RBFOX1: variants seen among roughly 807,000 people sequenced by gnomAD.
The protein encoded by RBFOX1 is RNA binding protein fox-1 homolog 1.
Under a neutral mutation model 57.7 loss-of-function variants are expected in RBFOX1, and 8 were observed. That is an observed-to-expected ratio of 0.14 (90% CI 0.08 to 0.25). RBFOX1 has a LOEUF of 0.25. Ranked by LOEUF, RBFOX1 falls within the 10% of genes least tolerant of loss-of-function variation. The pLI, the probability that RBFOX1 is intolerant of heterozygous loss-of-function variation, is 1.00. For synonymous variants in RBFOX1, 326 were observed against 222.4 expected (o/e 1.47, Z -4.15); for missense variants, 611 against 548.5 (o/e 1.11, Z -1.14).
At chr16:6,688,532 A>G (rs528698438) in intron 3 of RBFOX1, among the ~76,000 whole-genome samples, 73 of 152,194 alleles carry the variant, frequency 4.8e-4, no homozygotes, top group Non-Finnish European at 6.3e-4. Context: ...GAGCAAAGTA[A>G]CTTCCCAAGC....
chr16:6,774,168 C>G (rs1021803815), intron 3 of RBFOX1, among the ~76,000 whole-genome samples: 5 of 152,102 alleles, frequency 3.3e-5, no homozygotes, highest in African/African-American at 1.2e-4. Flanking sequence ...ATGAAAAATT[C>G]CAGTGTCTCT....
chr16:7,331,917 A>C (rs968413849), intron 4 of RBFOX1, among the ~76,000 whole-genome samples: 11 of 152,296 alleles, frequency 7.2e-5, no homozygotes, highest in African/African-American at 2.6e-4. Flanking sequence ...CACCAGAAAG[A>C]TTTCAAATCT....
chr16:6,450,003 G>A (rs552193704), intron 2 of RBFOX1, among the ~76,000 whole-genome samples: 1 of 152,168 alleles, frequency 6.6e-6, no homozygotes, highest in South Asian at 2.1e-4. Context: ...TGCTAGAATT[G>A]CTTTTATTGG....
At chr16:7,063,109 C>G (rs774405052) in intron 4 of RBFOX1, among the ~76,000 whole-genome samples, 26 of 151,894 alleles carry the variant, frequency 1.7e-4, no homozygotes, top group Non-Finnish European at 3.4e-4. Flanking sequence ...TCGGCGCTGA[C>G]TTTATGTATT....
intron 4 of RBFOX1, among the ~76,000 whole-genome samples, chr16:7,108,119 G>T (rs902157879): frequency 6.6e-6 from 1 of 152,072 alleles, no homozygotes. Context: ...CCAATTTTCA[G>T]CTAATTAGCA....
chr16:7,327,752 T>C (rs1450020501), intron 4 of RBFOX1, among the ~76,000 whole-genome samples: 1 of 152,144 alleles, frequency 6.6e-6, no homozygotes, highest in African/African-American at 2.4e-5. Context: ...GATCTTCCAG[T>C]GTTTCAAGAG....
chr16:7,413,561 C>T (rs879304599), intron 4 of RBFOX1, among the ~76,000 whole-genome samples: 30 of 152,112 alleles, frequency 2.0e-4, no homozygotes, highest in African/African-American at 3.9e-4. Flanking sequence ...CCATCCATTC[C>T]GCCATAGATT....
At chr16:7,629,971 A>T (rs562366810) in intron 10 of RBFOX1, among the ~76,000 whole-genome samples, 1 of 152,048 alleles carries the variant, frequency 6.6e-6, no homozygotes, top group Non-Finnish European at 1.5e-5. Context: ...AAAAGTTGCA[A>T]TTTTTCTTTC....
In RBFOX1 at chr16:5,782,906, C is replaced by G. The variant is rs1050356834; in HGVS notation, c.319-84397C>G. ...GCAAGGAAGAAGAGGGTGAATTCCTCTTTCCTCTGCCTTTTGTTCTATGTA... is the reference window on the plus strand; with the variant it reads ...GCAAGGAAGAAGAGGGTGAATTCCTGTTTCCTCTGCCTTTTGTTCTATGTA... On this transcript the variant is annotated intron_variant, in intron 3 of 19. Transcript: ENST00000641259. Among the ~76,000 whole-genome samples the G allele has an allele frequency of 7.2e-5, 11 of 152,272 alleles. No individual in the cohort carries two copies. In the East Asian group the frequency reaches 1.9e-3, roughly 27 times the overall value.
chr16:6,315,448 G>T lies in RBFOX1; in HGVS notation c.-126-1547G>T, dbSNP rs552919417. On this transcript the variant is annotated intron_variant, in intron 1 of 15. Coordinates refer to ENST00000550418, the MANE Select transcript of RBFOX1 (RefSeq NM_018723.4). The stretch of plus-strand genomic sequence containing the variant: ...GGATGGGTGGGTAGATGGATGGATG[G>T]GTGAATCGGTGGATGGGTGGATGGG... Among the ~76,000 whole-genome samples, 3 of 151,296 alleles carry T rather than the reference G, an allele frequency of 2.0e-5. No homozygotes were observed. In the South Asian group the frequency reaches 6.3e-4, roughly 32 times the overall value.
At chr16:6,736,624 G>C (rs919073710) in intron 3 of RBFOX1, among the ~76,000 whole-genome samples, 7 of 152,208 alleles carry the variant, frequency 4.6e-5, no homozygotes, top group African/African-American at 9.7e-5. Context: ...AAACATGCAT[G>C]TGCAAGTATC....
chr16:7,649,036 G>A (rs2064364635), intron 11 of RBFOX1, among the ~76,000 whole-genome samples: 1 of 152,156 alleles, frequency 6.6e-6, no homozygotes, highest in African/African-American at 2.4e-5. Flanking sequence ...GACCCTAAGA[G>A]AGGATTCTTG....
chr16:5,965,382 A>C (rs967237997), intron 4 of RBFOX1, among the ~76,000 whole-genome samples: 1 of 152,224 alleles, frequency 6.6e-6, no homozygotes, highest in Non-Finnish European at 1.5e-5. Context: ...AAATGTGTAC[A>C]TATATCAAAA....
chr16:5,707,497 A>G (rs2051295887), intron 3 of RBFOX1, among the ~76,000 whole-genome samples: 1 of 152,146 alleles, frequency 6.6e-6, no homozygotes, highest in Admixed American at 6.5e-5. Context: ...TCCTAATTGG[A>G]TAGCTAACAC....
At chr16:6,785,076 C>T (rs1484285831) in intron 3 of RBFOX1, among the ~76,000 whole-genome samples, 1 of 151,984 alleles carries the variant, frequency 6.6e-6, no homozygotes, top group African/African-American at 2.4e-5. Flanking sequence ...TTAGGAAATA[C>T]TGGATGTGAC....
chr16:7,209,648 C>G (rs1345019784), intron 4 of RBFOX1, among the ~76,000 whole-genome samples: 3 of 152,166 alleles, frequency 2.0e-5, no homozygotes, highest in African/African-American at 7.2e-5. Context: ...TTTTTGAGCA[C>G]TTAAGTCGCA....
intron 5 of RBFOX1, among the ~76,000 whole-genome samples, chr16:7,530,395 G>C (rs1466436861): frequency 6.6e-6 from 1 of 152,002 alleles, no homozygotes; most frequent in Non-Finnish European, 1.5e-5. Flanking sequence ...GAAGCACGCT[G>C]AGCTGTACAC....
At chr16:5,508,709 T>C (rs540912126) in intron 2 of RBFOX1, among the ~76,000 whole-genome samples, 1 of 151,952 alleles carries the variant, frequency 6.6e-6, no homozygotes, top group Admixed American at 6.5e-5. Context: ...CAGAGTGCCA[T>C]ACCCAAGGTG....
intron 1 of RBFOX1, among the ~76,000 whole-genome samples, chr16:6,288,065 C>G (rs1031876755): frequency 2.0e-5 from 3 of 152,172 alleles, no homozygotes; most frequent in African/African-American, 7.2e-5. Context: ...CTCACATGTT[C>G]CACTTTGTGA....
Sources: allele counts gnomAD v4.1 joint callset (sites outside exome capture counted in the v4.1 genomes callset), GRCh38; gene constraint gnomAD v4.1.1; transcripts MANE v1.5; gene names NCBI Gene and HGNC (gene_info 2026-07-23, HGNC 2026-07-21).